CUL3: variants seen among roughly 807,000 people sequenced by gnomAD.
The protein encoded by CUL3 is cullin 3.
A neutral mutation model predicts 89.1 loss-of-function variants in CUL3; 19 were observed. The observed-to-expected ratio is 0.21, with a 90% CI of 0.15 to 0.31. CUL3 has a LOEUF of 0.31. Ranked by LOEUF, CUL3 falls within the 10% of genes least tolerant of loss-of-function variation. The pLI is 1.00. For missense variants in CUL3, 469 were observed against 942.3 expected (o/e 0.50, Z 6.58); for synonymous variants, 351 against 308.4 (o/e 1.14, Z -1.45).
intron 3 of CUL3, among the ~76,000 whole-genome samples, chr2:224,516,610 C>T (rs1400454008): frequency 6.7e-6 from 1 of 150,206 alleles, no homozygotes; most frequent in Admixed American, 6.6e-5. Context: ...CCTCTGAGCC[C>T]AGCCTCCCTC....
intron 1 of CUL3, among the ~76,000 whole-genome samples, chr2:224,572,618 G>A (rs1281213026): frequency 1.4e-5 from 2 of 141,432 alleles, no homozygotes; most frequent in African/African-American, 2.7e-5. Flanking sequence ...TCCAGCCTGG[G>A]TGAGAGTGAG....
Position 224,474,326 on chromosome 2 carries a change from C to T in CUL3, c.2226G>A (p.Lys742=), listed in dbSNP as rs758729540. The part of the protein sequence containing the change: ...ARFLPSPVVI[K]KRIEGLIERE... ...TCTCAATAAGTCCTTCAATACGTTT[C>T]TTAATAACAACTGGACTTGGTAAGA... Residue 742 remains lysine, a synonymous_variant, in exon 16 of 16, where the codon AAG becomes AAA. Coordinates refer to ENST00000264414, the MANE Select transcript of CUL3 (RefSeq NM_003590.5). The T allele has an allele frequency of 6.2e-7, 1 of 1,613,994 alleles. No homozygotes were observed. The highest frequency in any genetic ancestry group is 8.5e-7 in the Non-Finnish European group (1 of 1,179,916).
At chr2:224,582,813 C>T (rs1695473122) in intron 1 of CUL3, among the ~76,000 whole-genome samples, 1 of 152,200 alleles carries the variant, frequency 6.6e-6, no homozygotes, top group Non-Finnish European at 1.5e-5. Flanking sequence ...TCTAGCTATA[C>T]TGACAGACCC....
chr2:224,541,253 C>T (rs1488489853), intron 2 of CUL3, among the ~76,000 whole-genome samples: 1 of 150,260 alleles, frequency 6.7e-6, no homozygotes, highest in East Asian at 1.9e-4. Flanking sequence ...TTAGCAATGA[C>T]AGCAAATAAT....
chr2:224,509,582 G>C (rs1692736031), intron 6 of CUL3, among the ~76,000 whole-genome samples: 1 of 151,968 alleles, frequency 6.6e-6, no homozygotes, highest in African/African-American at 2.4e-5. Context: ...GAAACCTAAG[G>C]TACTAAATAA....
intron 15 of CUL3, among the ~76,000 whole-genome samples, chr2:224,476,518 T>C (rs4674909): frequency 0.18 from 28,049 of 151,664 alleles, 2,933 homozygotes; most frequent in South Asian, 0.27. Context: ...ACCAAGCTCA[T>C]ATCGGGTTTC....
chr2:224,526,221 A>G (rs1329570009), intron 3 of CUL3, among the ~76,000 whole-genome samples: 1 of 152,238 alleles, frequency 6.6e-6, no homozygotes, highest in Admixed American at 6.5e-5. Context: ...TCACTACTCC[A>G]AACTTCCCAT....
intron 13 of CUL3, among the ~76,000 whole-genome samples, chr2:224,493,699 T>A (rs1692066328): frequency 6.6e-6 from 1 of 152,224 alleles, no homozygotes. Flanking sequence ...TATCCCATTA[T>A]TTTTTACCAG....
chr2:224,562,421 T>G (rs1372331156), intron 1 of CUL3, among the ~76,000 whole-genome samples: 1 of 151,890 alleles, frequency 6.6e-6, no homozygotes, highest in Non-Finnish European at 1.5e-5. Flanking sequence ...ACAGATCACT[T>G]GAGGTTGGGA....
At chr2:224,579,746 C>T (rs1359653559) in intron 1 of CUL3, among the ~76,000 whole-genome samples, 2 of 152,178 alleles carry the variant, frequency 1.3e-5, no homozygotes, top group Non-Finnish European at 2.9e-5. Flanking sequence ...TTCCAGGACC[C>T]CAGGGTAGAG....
Position 224,512,394 on chromosome 2 carries a change from C to T in CUL3, c.655-812G>A, listed in dbSNP as rs138864565. Among the ~76,000 whole-genome samples the T allele has an allele frequency of 3.1e-3, 477 of 152,290 alleles. 5 individuals are homozygous for T. The highest frequency in any genetic ancestry group is 0.01 in the Middle Eastern group (3 of 294). On this transcript the variant is annotated intron_variant, in intron 5 of 15. Transcript: ENST00000264414. ...TACAGGCGTGAGCCACTGTGCCCGG[C>T]CAACACTTTAGCTTCCTACGAATAC...
chr2:224,561,334 C>T (rs912943875), intron 1 of CUL3, among the ~76,000 whole-genome samples: 5 of 152,214 alleles, frequency 3.3e-5, no homozygotes, highest in African/African-American at 1.2e-4. Flanking sequence ...ACCTAAGCAA[C>T]ATTGATCAGC....
chr2:224,564,158 C>A (rs1306262147), intron 1 of CUL3, among the ~76,000 whole-genome samples: 2 of 152,062 alleles, frequency 1.3e-5, no homozygotes, highest in African/African-American at 4.8e-5. Flanking sequence ...CAGTGGCACA[C>A]ACCTGTAATC....
chr2:224,575,367 T>G (rs1354495841), intron 1 of CUL3, among the ~76,000 whole-genome samples: 1 of 152,136 alleles, frequency 6.6e-6, no homozygotes, highest in Admixed American at 6.5e-5. Flanking sequence ...CAGGAGTAGC[T>G]AGAAAATATG....
intron 6 of CUL3, among the ~76,000 whole-genome samples, chr2:224,508,998 A>G (rs888017027): frequency 6.6e-6 from 1 of 150,528 alleles, no homozygotes. Flanking sequence ...TTCATTTCAT[A>G]GTGCTATCTG....
rs1051315140 is a variant in CUL3 at position 224,470,787 on chromosome 2, G to C, written c.*3458C>G. 4.3e-6 allele frequency: 1 copy of C among 231,286 alleles called. No individual in the cohort carries two copies. Among genetic ancestry groups the C allele is most frequent in the African/African-American group, 2.2e-5 (1 of 45,248 alleles). 14.3% of individuals were successfully genotyped at this position (231,286 alleles called of 1,614,324 possible). On this transcript the variant is annotated 3_prime_UTR_variant, in exon 16 of 16. Coordinates refer to ENST00000264414, the MANE Select transcript of CUL3 (RefSeq NM_003590.5). ...ACAAAAATGTGCAAAATTCCATATT[G>C]CAATGCTTCATGTATTAACTTTAGT...
chr2:224,523,483 A>C (rs964491954), intron 3 of CUL3, among the ~76,000 whole-genome samples: 4 of 152,220 alleles, frequency 2.6e-5, no homozygotes, highest in African/African-American at 9.7e-5. Context: ...CTAAGATAGT[A>C]TAGCTGCTGT....
chr2:224,549,905 G>GA (rs1304788618), intron 2 of CUL3, among the ~76,000 whole-genome samples: 4 of 151,920 alleles, frequency 2.6e-5, no homozygotes, highest in African/African-American at 9.7e-5. Flanking sequence ...AAATGGCTGT[G>GA]AAAAACTGTA....
rs539421515 is a variant in CUL3 at position 224,473,613 on chromosome 2, G to A, written c.*632C>T. ...TTGGGAAATCTCAAATTACAACAGG[G>A]AGAAACCAAATCAGGATGTGTACTT... is the stretch of plus-strand genomic sequence containing the variant. On this transcript the variant is annotated 3_prime_UTR_variant, in exon 16 of 16. Coordinates refer to ENST00000264414, the MANE Select transcript of CUL3 (RefSeq NM_003590.5). 5.4e-6 allele frequency: 1 copy of A among 186,446 alleles called. No homozygotes were observed. Among genetic ancestry groups the A allele is most frequent in the Admixed American group, 6.2e-5 (1 of 16,090 alleles). The allele number at this position is 186,446 out of a possible 1,614,324, so 11.5% of individuals were successfully genotyped here.
Sources: gnomAD v4.1 joint callset for allele counts (sites outside exome capture counted in the v4.1 genomes callset) on GRCh38, gnomAD v4.1.1 for gene constraint, MANE v1.5 for transcripts, NCBI Gene and HGNC (gene_info 2026-07-23, HGNC 2026-07-21) for gene names.